DNAL1: variants seen among roughly 807,000 people sequenced by gnomAD.
The protein encoded by DNAL1 is dynein axonemal light chain 1, also known as chromosome 14 open reading frame 168.
In DNAL1, 17 loss-of-function variants were observed where a neutral mutation model predicts 29.4. That is an observed-to-expected ratio of 0.58 (90% CI 0.40 to 0.87). DNAL1 has a LOEUF of 0.87. DNAL1 is among the 40% of genes least tolerant of loss of function. The probability of loss-of-function intolerance (pLI) is 0.00; values close to 1 mark genes in which losing one functional copy is unlikely to be tolerated. For missense variants in DNAL1, 188 were observed against 214.1 expected, an observed-to-expected ratio of 0.88 and a Z score of 0.76; for synonymous variants, 78 against 76.3, an observed-to-expected ratio of 1.02 and a Z score of -0.12.
At position 73,663,962 on chromosome 14, in the gene DNAL1, C is replaced by G. The variant is rs556113962; in HGVS notation, c.208+1920C>G. Among the ~76,000 whole-genome samples, 8 of 152,324 alleles carry G rather than the reference C, an allele frequency of 5.3e-5. No homozygotes were observed. The East Asian group carries it at 1.5e-3, about 29-fold the overall frequency. ...GTGTATCTCTAGGCAGGCATCAAAG[C>G]ACTGCTTCTCTTCTTTGTATAATTG... On this transcript the variant is annotated intron_variant, in intron 4 of 7. Transcript: ENST00000553645.
intron 4 of DNAL1, among the ~76,000 whole-genome samples, chr14:73,664,666 C>A (rs1033130127): frequency 6.6e-6 from 1 of 151,816 alleles, no homozygotes; most frequent in Admixed American, 6.6e-5. Context: ...CTTAGGAGTT[C>A]GAGACCAGCC....
intron 7 of DNAL1, among the ~76,000 whole-genome samples, chr14:73,692,706 CA>C (rs1892203867): frequency 6.6e-6 from 1 of 151,966 alleles, no homozygotes; most frequent in South Asian, 2.1e-4. Context: ...GACTTCATGT[CA>C]ATCTGAACAG....
chr14:73,657,935 T>C (rs1022941531), intron 2 of DNAL1, among the ~76,000 whole-genome samples: 14 of 152,232 alleles, frequency 9.2e-5, no homozygotes, highest in African/African-American at 3.4e-4. Context: ...ATTTTTGTTT[T>C]TGTTGCCTGT....
chr14:73,665,463 A>G (rs1347780126), intron 4 of DNAL1, among the ~76,000 whole-genome samples: 1 of 152,164 alleles, frequency 6.6e-6, no homozygotes, highest in Non-Finnish European at 1.5e-5. Flanking sequence ...CATATTATTT[A>G]TCATCACAGA....
At chr14:73,680,503 T>A (rs1249285017) in intron 5 of DNAL1, among the ~76,000 whole-genome samples, 1 of 152,196 alleles carries the variant, frequency 6.6e-6, no homozygotes. Context: ...AAGATTTATT[T>A]CTGAGTAATT....
At position 73,702,157 on chromosome 14, in the gene DNAL1, T is replaced by G. The variant is rs1041534628; in HGVS notation, c.*6215T>G. ...AGAGGTGTTTTTTGTTTTGTTTTTT[T>G]TGAGACGGAGTCTCACTCTGTTGCC... On this transcript the variant is annotated 3_prime_UTR_variant, in exon 8 of 8. Transcript: ENST00000553645. 2 of 152,160 alleles carry G rather than the reference T, an allele frequency of 1.3e-5. No homozygotes were observed. Among genetic ancestry groups the G allele is most frequent in the African/African-American group, 2.4e-5 (1 of 41,406 alleles). 9.4% of individuals were successfully genotyped at this position (152,160 alleles called of 1,614,324 possible).
intron 2 of DNAL1, among the ~76,000 whole-genome samples, chr14:73,657,068 G>A (rs1891235069): frequency 1.3e-5 from 2 of 151,976 alleles, no homozygotes; most frequent in Non-Finnish European, 2.9e-5. Flanking sequence ...ATAGGCATGA[G>A]CCATTGTGCC....
Position 73,679,236 on chromosome 14 carries a change from C to T in DNAL1, c.264+7639C>T, listed in dbSNP as rs550530328. ...GGTCTGGACTCCTGACCTTGTGATC[C>T]GCCTGCCTCACCCTCCCAAAGTGCT... On this transcript the variant is annotated intron_variant, in intron 5 of 7. Coordinates refer to ENST00000553645, the MANE Select transcript of DNAL1 (RefSeq NM_031427.4). Among the ~76,000 whole-genome samples, 24 of 152,224 alleles carry T rather than the reference C, an allele frequency of 1.6e-4. No homozygotes were observed. The South Asian group carries it at 4.2e-3, about 26-fold the overall frequency.
rs191184975 is a variant in DNAL1 at position 73,702,634 on chromosome 14, A to G, written c.*6692A>G. On this transcript the variant is annotated 3_prime_UTR_variant, in exon 8 of 8. Coordinates refer to ENST00000553645, the MANE Select transcript of DNAL1 (RefSeq NM_031427.4). The stretch of plus-strand genomic sequence containing the variant: ...TGATTACCAGAAGGTACGCAAGGTA[A>G]AAGTTAGCTGATAGGCCCTGAATTG... 3.0e-4 allele frequency: 46 copies of G among 152,340 alleles called. No individual in the cohort carries two copies. The highest frequency in any genetic ancestry group is 1.1e-3 in the African/African-American group (45 of 41,570). The allele number at this position is 152,340 out of a possible 1,614,324, so 9.4% of individuals were successfully genotyped here.
intron 1 of DNAL1, among the ~76,000 whole-genome samples, chr14:73,647,355 ACT>A: frequency 7.6e-6 from 1 of 130,744 alleles, no homozygotes; most frequent in African/African-American, 2.7e-5. Context: ...ACAGAGCAAG[ACT>A]CTGTCTCAAA....
At chr14:73,658,405 A>G (rs1340540187) in intron 2 of DNAL1, among the ~76,000 whole-genome samples, 2 of 152,084 alleles carry the variant, frequency 1.3e-5, no homozygotes, top group African/African-American at 4.8e-5. Context: ...TTGGTTCCAT[A>G]TGAATTTTAG....
intron 1 of DNAL1, among the ~76,000 whole-genome samples, chr14:73,649,577 C>A (rs565925192): frequency 3.9e-5 from 6 of 152,060 alleles, no homozygotes; most frequent in Non-Finnish European, 2.9e-5. Flanking sequence ...CCACCGCGCC[C>A]GGGCTGTTTG....
At chr14:73,692,790 C>A (rs1031448501) in intron 7 of DNAL1, among the ~76,000 whole-genome samples, 35 of 151,840 alleles carry the variant, frequency 2.3e-4, no homozygotes, top group Non-Finnish European at 4.6e-4. Context: ...CAGCTGCAAA[C>A]TTGCCCATTT....
In DNAL1 at chr14:73,696,732, T is replaced by A. The variant is rs1892310057; in HGVS notation, c.*790T>A. The A allele has an allele frequency of 6.6e-6, 1 of 152,198 alleles. No homozygotes were observed. Among genetic ancestry groups the A allele is most frequent in the Non-Finnish European group, 1.5e-5 (1 of 68,032 alleles). 9.4% of individuals were successfully genotyped at this position (152,198 alleles called of 1,614,324 possible). ...TTAAGCACACATTTTGGTTTTATAG[T>A]TCCTTATGTGTTTAAAGCATTAGTT... On this transcript the variant is annotated 3_prime_UTR_variant, in exon 8 of 8. Coordinates refer to ENST00000553645, the MANE Select transcript of DNAL1 (RefSeq NM_031427.4).
chr14:73,670,330 G>T (rs1241184411), intron 4 of DNAL1, among the ~76,000 whole-genome samples: 1 of 152,168 alleles, frequency 6.6e-6, no homozygotes, highest in African/African-American at 2.4e-5. Flanking sequence ...ATGTGACTGA[G>T]AAACTGAATT....
Position 73,696,131 on chromosome 14 carries a change from C to T in DNAL1, c.*189C>T. 1 of 557,770 alleles carries T rather than the reference C, an allele frequency of 1.8e-6. No individual in the cohort carries two copies. Among genetic ancestry groups the T allele is most frequent in the Non-Finnish European group, 3.0e-6 (1 of 329,106 alleles). The allele number at this position is 557,770 out of a possible 1,614,324, so 34.6% of individuals were successfully genotyped here. ...TTCTCCCCAAAACTGGTAATGCCAA[C>T]CTTATATATCCTATTTCTCTTTTTA... is the stretch of plus-strand genomic sequence containing the variant. On this transcript the variant is annotated 3_prime_UTR_variant, in exon 8 of 8. Coordinates refer to ENST00000553645, the MANE Select transcript of DNAL1 (RefSeq NM_031427.4).
At chr14:73,684,984 A>T (rs1237403337) in intron 5 of DNAL1, among the ~76,000 whole-genome samples, 1 of 152,234 alleles carries the variant, frequency 6.6e-6, no homozygotes. Flanking sequence ...TTATTTACAG[A>T]GTAGACATTT....
In DNAL1 at chr14:73,700,473, C is replaced by T. The variant is rs1041196756; in HGVS notation, c.*4531C>T. 1 of 152,200 alleles carries T rather than the reference C, an allele frequency of 6.6e-6. No homozygotes were observed. Among genetic ancestry groups the T allele is most frequent in the African/African-American group, 2.4e-5 (1 of 41,450 alleles). The allele number at this position is 152,200 out of a possible 1,614,324, so 9.4% of individuals were successfully genotyped here. A position where few individuals can be genotyped will look rare whatever the true frequency, so the allele number is the denominator to read the frequency against. ...GAATAAGGAAGAATAAGAAATGAAT[C>T]TTGACTGTTGACTTATTCTGAGAAT... On this transcript the variant is annotated 3_prime_UTR_variant, in exon 8 of 8. Transcript: ENST00000553645.
intron 4 of DNAL1, among the ~76,000 whole-genome samples, chr14:73,666,546 A>G (rs184387143): frequency 3.0e-3 from 460 of 152,314 alleles, no homozygotes; most frequent in African/African-American, 0.011. Context: ...CTACTTATGC[A>G]GCACATAAAA....
Sources: allele counts gnomAD v4.1 joint callset (sites outside exome capture counted in the v4.1 genomes callset), GRCh38; gene constraint gnomAD v4.1.1; transcripts MANE v1.5; gene names NCBI Gene and HGNC (gene_info 2026-07-23, HGNC 2026-07-21).